PCGF6: variants seen among roughly 807,000 people sequenced by gnomAD.
PCGF6 encodes the protein polycomb group RING finger protein 6.
Under a neutral mutation model 45.5 loss-of-function variants are expected in PCGF6, and 24 were observed. That is an observed-to-expected ratio of 0.53 (90% CI 0.38 to 0.74). PCGF6 has a LOEUF of 0.74. PCGF6 is among the 30% of genes least tolerant of loss of function. The pLI is 0.00. For missense variants in PCGF6, 356 were observed against 443.2 expected (o/e 0.80, Z 1.77); for synonymous variants, 152 against 162.1 (o/e 0.94, Z 0.47).
intron 9 of PCGF6, among the ~76,000 whole-genome samples, chr10:103,313,123 C>T (rs1436741453): frequency 1.3e-5 from 2 of 152,210 alleles, no homozygotes. Flanking sequence ...TTCCCACTCA[C>T]ATTATAGGTT....
rs1030135078 is a variant in PCGF6 at position 103,344,092 on chromosome 10, G to A, written c.782+932C>T. ...AAGAAATAATATATTCATTTTAATG[G>A]AATGCCAAATAATGGTGAAAATGAA... On this transcript the variant is annotated intron_variant, in intron 6 of 9. Coordinates refer to ENST00000369847, the MANE Select transcript of PCGF6 (RefSeq NM_001011663.2). Among the ~76,000 whole-genome samples the A allele has an allele frequency of 1.2e-4, 19 of 152,048 alleles. 1 individual carries two copies. The highest frequency in any genetic ancestry group is 4.6e-4 in the African/African-American group (19 of 41,506).
At chr10:103,304,472 C>T (rs1337958175) in intron 9 of PCGF6, among the ~76,000 whole-genome samples, 1 of 152,072 alleles carries the variant, frequency 6.6e-6, no homozygotes, top group African/African-American at 2.4e-5. Context: ...TACCGAGTAG[C>T]TGCAATTACA....
intron 5 of PCGF6, among the ~76,000 whole-genome samples, chr10:103,346,692 G>A (rs1242158823): frequency 6.6e-6 from 1 of 152,170 alleles, no homozygotes; most frequent in Non-Finnish European, 1.5e-5. Flanking sequence ...CTACTTGGGA[G>A]GCTGAGGCAG....
At chr10:103,348,672 A>G in intron 3 of PCGF6, 44 bp downstream of exon 3, 1 of 1,360,086 alleles carries the variant, frequency 7.4e-7, no homozygotes, top group Middle Eastern at 2.6e-4. Context: ...GCTTTCAGAA[A>G]AAGTATATTT....
chr10:103,349,891 G>C (rs2093314818), intron 1 of PCGF6, among the ~76,000 whole-genome samples: 2 of 151,160 alleles, frequency 1.3e-5, no homozygotes, highest in South Asian at 4.2e-4. Flanking sequence ...GACCATCCTG[G>C]CTAACACGGT....
At chr10:103,326,312 C>T (rs2093218174) in intron 8 of PCGF6, among the ~76,000 whole-genome samples, 1 of 151,190 alleles carries the variant, frequency 6.6e-6, no homozygotes, top group Non-Finnish European at 1.5e-5. Flanking sequence ...TGGCGTGAAC[C>T]CGGGAGGCTG....
Position 103,331,249 on chromosome 10 carries a change from GT to G in PCGF6, c.810+2675del, listed in dbSNP as rs1231661903. On this transcript the variant is annotated intron_variant, in intron 7 of 9. Transcript: ENST00000369847. The stretch of plus-strand genomic sequence containing the variant: ...TAATAGGTTATATACACTGTTTCCA[GT>G]TTGGGGTTATTATGTTTTTTGAGAC... Among the ~76,000 whole-genome samples the G allele has an allele frequency of 5.9e-5, 9 of 152,184 alleles. No individual in the cohort carries two copies. The South Asian group carries it at 1.9e-3, about 32-fold the overall frequency.
At chr10:103,349,115 T>C in intron 1 of PCGF6, 116 bp from the exon 2 acceptor site, 4 of 812,942 alleles carry the variant, frequency 4.9e-6, no homozygotes, top group Non-Finnish European at 3.8e-6. Flanking sequence ...TGATGTCATC[T>C]CGGTTCACTG....
At chr10:103,338,720 T>C (rs2093267677) in intron 6 of PCGF6, among the ~76,000 whole-genome samples, 1 of 151,068 alleles carries the variant, frequency 6.6e-6, no homozygotes, top group Non-Finnish European at 1.5e-5. Flanking sequence ...TACAAAAACT[T>C]AACCGGGCAT....
intron 8 of PCGF6, among the ~76,000 whole-genome samples, chr10:103,319,142 C>T (rs900941768): frequency 3.9e-5 from 6 of 152,094 alleles, no homozygotes; most frequent in African/African-American, 1.4e-4. Context: ...TGGCTCATTC[C>T]TTTGATCATA....
At chr10:103,350,683 G>A (rs766872682) in intron 1 of PCGF6, 24 bp downstream of exon 1, 22 of 1,455,788 alleles carry the variant, frequency 1.5e-5, no homozygotes, top group Non-Finnish European at 1.6e-5. Context: ...GGGCCCAGCG[G>A]GGTCGCGCGG....
intron 6 of PCGF6, among the ~76,000 whole-genome samples, chr10:103,335,694 G>A (rs1332316319): frequency 2.6e-5 from 4 of 151,904 alleles, no homozygotes; most frequent in Non-Finnish European, 5.9e-5. Flanking sequence ...TAGGCTGGGC[G>A]AGGTGGCTGA....
chr10:103,348,404 C>T (rs1210605622), intron 3 of PCGF6: 2 of 182,848 alleles, frequency 1.1e-5, no homozygotes, highest in African/African-American at 4.8e-5. Flanking sequence ...GTGGCACGAT[C>T]TTGGCTCCTG....
intron 8 of PCGF6, among the ~76,000 whole-genome samples, chr10:103,320,590 G>A (rs1277417989): frequency 6.6e-6 from 1 of 152,116 alleles, no homozygotes; most frequent in East Asian, 1.9e-4. Flanking sequence ...AGGAGGCTGA[G>A]GCAGGATAAT....
At chr10:103,325,777 G>C (rs2093215874) in intron 8 of PCGF6, among the ~76,000 whole-genome samples, 1 of 151,450 alleles carries the variant, frequency 6.6e-6, no homozygotes, top group Non-Finnish European at 1.5e-5. Flanking sequence ...CTAGTGCTTT[G>C]GGAAGCTGAG....
chr10:103,317,889 G>T (rs187857863), intron 8 of PCGF6, among the ~76,000 whole-genome samples: 22 of 151,748 alleles, frequency 1.4e-4, no homozygotes, highest in African/African-American at 5.3e-4. Context: ...CTCCCAAGTA[G>T]CTGGGATTAC....
chr10:103,340,443 T>C (rs1053893560), intron 6 of PCGF6, among the ~76,000 whole-genome samples: 13 of 151,956 alleles, frequency 8.6e-5, no homozygotes, highest in Admixed American at 2.6e-4. Flanking sequence ...TGATTAATTA[T>C]TGATTTCTGC....
intron 6 of PCGF6, among the ~76,000 whole-genome samples, chr10:103,334,814 C>T (rs886466271): frequency 6.6e-6 from 1 of 152,244 alleles, no homozygotes; most frequent in African/African-American, 2.4e-5. Context: ...TGTGCATATG[C>T]ATGCTTTTCA....
chr10:103,337,304 T>C (rs2093260675), intron 6 of PCGF6, among the ~76,000 whole-genome samples: 2 of 152,164 alleles, frequency 1.3e-5, no homozygotes, highest in African/African-American at 4.8e-5. Flanking sequence ...GGTATGCAGG[T>C]GTATGTATTA....
Sources: allele counts gnomAD v4.1 joint callset (sites outside exome capture counted in the v4.1 genomes callset), GRCh38; gene constraint gnomAD v4.1.1; transcripts MANE v1.5; gene names NCBI Gene and HGNC (gene_info 2026-07-23, HGNC 2026-07-21).